Variants in PARD3B observed in about 807,000 individuals in gnomAD.
PARD3B encodes the protein par-3 family cell polarity regulator beta, also known as partitioning defective 3 homolog B.
Under a neutral mutation model 130.2 loss-of-function variants are expected in PARD3B, and 103 were observed. The ratio of observed to expected loss-of-function variants is 0.79; its 90% CI spans 0.67 to 0.93. The LOEUF (loss-of-function observed/expected upper bound fraction) is 0.93, where lower values mean the gene tolerates loss of function less well. Ranked by LOEUF, PARD3B falls within the 40% of genes least tolerant of loss-of-function variation. PARD3B has a pLI of 0.00. For synonymous variants in PARD3B, 583 were observed against 553.2 expected (o/e 1.05, Z -0.76); for missense variants, 1,609 against 1,499.2 (o/e 1.07, Z -1.21).
At chr2:205,557,793 G>A (rs1324609183) in intron 22 of PARD3B, among the ~76,000 whole-genome samples, 1 of 152,040 alleles carries the variant, frequency 6.6e-6, no homozygotes, top group Non-Finnish European at 1.5e-5. Flanking sequence ...CTGTAATGAG[G>A]CAAACCCACA....
At chr2:204,634,117 C>CA (rs2034788669) in intron 1 of PARD3B, among the ~76,000 whole-genome samples, 1 of 151,994 alleles carries the variant, frequency 6.6e-6, no homozygotes, top group Non-Finnish European at 1.5e-5. Context: ...TAGCCATTCC[C>CA]ACCTCCCTCC....
intron 20 of PARD3B, among the ~76,000 whole-genome samples, chr2:205,497,203 GAAAAA>G (rs35346665): frequency 7.7e-6 from 1 of 129,116 alleles, no homozygotes. Context: ...CATACATATT[GAAAAA>G]AAAAAAAAAA....
At chr2:205,552,339 A>T (rs2052683609) in intron 21 of PARD3B, among the ~76,000 whole-genome samples, 1 of 152,160 alleles carries the variant, frequency 6.6e-6, no homozygotes, top group Non-Finnish European at 1.5e-5. Context: ...TGTGGAGTAG[A>T]CAGTTGATTG....
At chr2:204,835,392 A>G (rs748245381) in intron 2 of PARD3B, among the ~76,000 whole-genome samples, 19 of 152,114 alleles carry the variant, frequency 1.2e-4, no homozygotes, top group Admixed American at 2.0e-4. Context: ...GGACCTTGAA[A>G]CATGAGTATG....
intron 1 of PARD3B, among the ~76,000 whole-genome samples, chr2:204,672,976 T>C (rs6709298): frequency 0.015 from 2,299 of 152,300 alleles, 47 homozygotes; most frequent in African/African-American, 0.052. Context: ...AAAGAAAATA[T>C]ATGTATGTAT....
At chr2:204,630,818 T>C (rs2034653026) in intron 1 of PARD3B, among the ~76,000 whole-genome samples, 1 of 152,322 alleles carries the variant, frequency 6.6e-6, no homozygotes, top group South Asian at 2.1e-4. Flanking sequence ...AATATCCCAC[T>C]TATCATTTCT....
chr2:205,387,947 C>T (rs1325575033), intron 18 of PARD3B, among the ~76,000 whole-genome samples: 1 of 152,162 alleles, frequency 6.6e-6, no homozygotes, highest in Non-Finnish European at 1.5e-5. Flanking sequence ...TCTGAATAAA[C>T]ACGTAGCTGG....
intron 1 of PARD3B, among the ~76,000 whole-genome samples, chr2:204,553,002 A>G (rs1211070494): frequency 1.3e-5 from 2 of 152,192 alleles, no homozygotes; most frequent in Non-Finnish European, 2.9e-5. Flanking sequence ...TTTGCAATCT[A>G]TACATCTGAC....
At chr2:204,676,474 G>A (rs2125221569) in intron 1 of PARD3B, among the ~76,000 whole-genome samples, 1 of 152,092 alleles carries the variant, frequency 6.6e-6, no homozygotes, top group Non-Finnish European at 1.5e-5. Context: ...TCTTTCAAGA[G>A]CTCAAAGCCC....
intron 20 of PARD3B, among the ~76,000 whole-genome samples, chr2:205,474,855 C>G (rs914835526): frequency 5.3e-5 from 8 of 152,132 alleles, no homozygotes; most frequent in African/African-American, 1.9e-4. Flanking sequence ...AAAAATAGTA[C>G]TGTATCATTT....
At position 205,176,496 on chromosome 2, in the gene PARD3B, A is replaced by G; in HGVS notation, c.1843A>G (p.Asn615Asp). 7 of 1,613,016 alleles carry G rather than the reference A, an allele frequency of 4.3e-6. No homozygotes were observed. The highest frequency in any genetic ancestry group is 5.9e-6 in the Non-Finnish European group (7 of 1,179,228). ...CAAGCCATGCTTTGAGAACTGTCAA[A>G]ATGCTGTAACCACCTCTAGGCGAAA... Reference protein sequence around the residue: ...FSKPCFENCQNAVTTSRRNDN... With the variant: ...FSKPCFENCQDAVTTSRRNDN... Residue 615 changes from asparagine (N) to aspartate (D), a missense_variant, in exon 13 of 23, where the codon AAT becomes GAT. By Grantham distance (23) the Asn-to-Asp change is conservative. Coordinates refer to ENST00000406610, the MANE Select transcript of PARD3B (RefSeq NM_001302769.2). This position sits in a 1 kb window ranked among gnomAD's most constrained non-coding sequence, Gnocchi z 5.3.
chr2:205,195,041 C>A (rs1166075768), intron 15 of PARD3B, among the ~76,000 whole-genome samples: 1 of 150,398 alleles, frequency 6.6e-6, no homozygotes, highest in Admixed American at 6.7e-5. Flanking sequence ...TCAAGTGATC[C>A]ACCCACCTTG....
At chr2:204,917,485 G>A (rs979419129) in intron 2 of PARD3B, among the ~76,000 whole-genome samples, 1 of 152,162 alleles carries the variant, frequency 6.6e-6, no homozygotes, top group East Asian at 1.9e-4. Context: ...GGCAACTAGA[G>A]GTATGAGTTG....
At chr2:204,627,276 A>T (rs923562208) in intron 1 of PARD3B, among the ~76,000 whole-genome samples, 1 of 152,106 alleles carries the variant, frequency 6.6e-6, no homozygotes, top group Admixed American at 6.6e-5. Flanking sequence ...TACAACCTAG[A>T]TTCTCTCTGT....
chr2:205,143,541 G>C (rs756339315), intron 10 of PARD3B, among the ~76,000 whole-genome samples: 3 of 152,150 alleles, frequency 2.0e-5, no homozygotes, highest in Non-Finnish European at 4.4e-5. Flanking sequence ...TGATTTTACA[G>C]GAATTAAGGC....
chr2:205,380,201 A>T (rs757955204), intron 18 of PARD3B, among the ~76,000 whole-genome samples: 3,814 of 96,200 alleles, frequency 0.04, 290 homozygotes, highest in African/African-American at 0.05. Flanking sequence ...ATATTATATA[A>T]TATGTAAAGA....
intron 1 of PARD3B, among the ~76,000 whole-genome samples, chr2:204,667,079 T>G (rs1485248591): frequency 1.3e-5 from 2 of 152,100 alleles, no homozygotes; most frequent in African/African-American, 4.8e-5. Flanking sequence ...GATGAGGAAA[T>G]GCTGAGTAGG....
At chr2:204,770,650 C>T (rs1014215123) in intron 2 of PARD3B, among the ~76,000 whole-genome samples, 9 of 151,910 alleles carry the variant, frequency 5.9e-5, no homozygotes, top group East Asian at 1.9e-4. Flanking sequence ...ATGCATGATG[C>T]GATATTTTGA....
rs913403155 is a variant in PARD3B at position 205,558,149 on chromosome 2, G to C, written c.3260+4746G>C. ...AGTAGACAGCAGTGCTATGGAGAGG[G>C]GGTTTATAACAGATACAGCATGCTG... On this transcript the variant is annotated intron_variant, in intron 22 of 22. Transcript: ENST00000406610. This position sits in a 1 kb window ranked among gnomAD's most constrained non-coding sequence, Gnocchi z 4.8. Among the ~76,000 whole-genome samples the C allele has an allele frequency of 2.6e-5, 4 of 152,162 alleles. No homozygotes were observed. The highest frequency in any genetic ancestry group is 9.7e-5 in the African/African-American group (4 of 41,426).
Sources: gnomAD v4.1 joint callset for allele counts (sites outside exome capture counted in the v4.1 genomes callset) on GRCh38, gnomAD v4.1.1 for gene constraint, Gnocchi (gnomAD v3.1) non-coding constraint, MANE v1.5 for transcripts, NCBI Gene and HGNC (gene_info 2026-07-23, HGNC 2026-07-21) for gene names.